The following SDHA variants were observed in gnomAD, a reference collection of about 807,000 sequenced individuals.
The protein encoded by SDHA is succinate dehydrogenase complex flavoprotein subunit A, also known as succinate dehydrogenase [ubiquinone] flavoprotein subunit, mitochondrial.
Under a neutral mutation model 78.4 loss-of-function variants are expected in SDHA, and 48 were observed. The observed-to-expected ratio is 0.61, with a 90% CI of 0.49 to 0.78. The LOEUF is 0.78. Among genes scored for constraint, SDHA ranks in the 30% least tolerant of loss-of-function variants. The pLI is 0.00. For missense variants in SDHA, 680 were observed against 892.7 expected (o/e 0.76, Z 3.04); for synonymous variants, 326 against 353.9 (o/e 0.92, Z 0.88).
chr5:249,979 A>G (rs1399436593), intron 11 of SDHA: 1 of 152,260 alleles, frequency 6.6e-6, no homozygotes, highest in African/African-American at 2.4e-5. Flanking sequence ...CTGCTCAGAC[A>G]TCAGTAAATA....
intron 12 of SDHA, 56 bp from the exon 13 acceptor site, chr5:251,282 G>A: frequency 6.3e-7 from 1 of 1,588,552 alleles, no homozygotes; most frequent in Non-Finnish European, 8.6e-7. Context: ...TGACAGCTCG[G>A]AGGGCCCATG....
Position 225,942 on chromosome 5 carries a change from A to G in SDHA, c.516A>G (p.Ala172=), listed in dbSNP as rs181278759. The stretch of plus-strand genomic sequence containing the variant: ...AAGATGGGAAGATTTATCAGCGTGC[A>G]TTTGGTGGACAGAGCCTCAAGTTTG... ...RTEDGKIYQR[A]FGGQSLKFGK... Residue 172 remains alanine, a synonymous_variant, in exon 5 of 15, where the codon GCA becomes GCG. Coordinates refer to ENST00000264932, the MANE Select transcript of SDHA (RefSeq NM_004168.4). 32 of 1,613,932 alleles carry G rather than the reference A, an allele frequency of 2.0e-5. No homozygotes were observed. The Admixed American group carries it at 2.2e-4, about 11-fold the overall frequency.
chr5:238,607 T>A lies in SDHA; in HGVS notation c.1433-1751T>A, dbSNP rs190376023. Among the ~76,000 whole-genome samples the A allele has an allele frequency of 4.1e-4, 63 of 152,228 alleles. No individual in the cohort carries two copies. The East Asian group carries it at 4.4e-3, about 11-fold the overall frequency. The stretch of plus-strand genomic sequence containing the variant: ...ATGGGCTTGAACTCCTGGCCTCAAG[T>A]GTTCCTCCTGTCTCAGCCTCCCGAA... On this transcript the variant is annotated intron_variant, in intron 10 of 14. Coordinates refer to ENST00000264932, the MANE Select transcript of SDHA (RefSeq NM_004168.4).
At chr5:241,172 G>A (rs753210569) in intron 11 of SDHA, among the ~76,000 whole-genome samples, 10 of 152,160 alleles carry the variant, frequency 6.6e-5, no homozygotes, top group Admixed American at 1.3e-4. Context: ...GTTCACTCGT[G>A]TGTGCTTGGG....
intron 1 of SDHA, among the ~76,000 whole-genome samples, chr5:222,345 C>CTT (rs2126536105): frequency 7.4e-6 from 1 of 135,886 alleles, no homozygotes; most frequent in Non-Finnish European, 1.5e-5. Flanking sequence ...GCTTTTTTTT[C>CTT]TTTTCTTTTT....
intron 9 of SDHA, 131 bp from the exon 10 acceptor site, chr5:236,297 T>A: frequency 1.1e-6 from 1 of 883,150 alleles, no homozygotes; most frequent in South Asian, 1.4e-5. Flanking sequence ...GTGCTGAGAT[T>A]ACAGGCGTGA....
At chr5:268,719 T>C in the SDHA span, among the ~76,000 whole-genome samples, 1 of 152,240 alleles carries the variant, frequency 6.6e-6, no homozygotes, top group African/African-American at 2.4e-5. Context: ...GGGTGGATTA[T>C]ATTTAAATAT....
chr5:230,354 C>T (rs954568950), intron 6 of SDHA, among the ~76,000 whole-genome samples: 1 of 152,156 alleles, frequency 6.6e-6, no homozygotes, highest in Non-Finnish European at 1.5e-5. Context: ...GCCAGGTGTG[C>T]AGTGGCTCAC....
At chr5:263,971 C>A in the SDHA span, among the ~76,000 whole-genome samples, 1 of 151,524 alleles carries the variant, frequency 6.6e-6, no homozygotes, top group Admixed American at 6.5e-5. Context: ...TGGAAACAAT[C>A]AAAATGTCCA....
the SDHA span, among the ~76,000 whole-genome samples, chr5:263,237 A>T: frequency 1.3e-5 from 2 of 152,120 alleles, no homozygotes; most frequent in Admixed American, 6.6e-5. Flanking sequence ...ACTGCCAGAA[A>T]AACTTTTCCT....
At chr5:236,139 C>A in intron 9 of SDHA, 1 of 432,440 alleles carries the variant, frequency 2.3e-6, no homozygotes, top group Non-Finnish European at 4.3e-6. Context: ...ATTTTTCCGC[C>A]TCAGCCTCCC....
chr5:258,609 T>C (rs368594169), downstream of SDHA, among the ~76,000 whole-genome samples: 218 of 65,920 alleles, frequency 3.3e-3, 1 homozygote, highest in Admixed American at 4.9e-3. Context: ...CTCCGCCTCC[T>C]GCCAGAGCAT....
intron 5 of SDHA, 119 bp from the exon 6 acceptor site, chr5:228,066 T>G (rs1252977571): frequency 2.0e-6 from 2 of 1,002,174 alleles, no homozygotes; most frequent in African/African-American, 1.6e-5. Flanking sequence ...GCTGATCTCC[T>G]TGGATTTACC....
intron 6 of SDHA, among the ~76,000 whole-genome samples, chr5:230,179 G>T (rs184601975): frequency 2.0e-5 from 3 of 148,250 alleles, no homozygotes; most frequent in Admixed American, 6.7e-5. Context: ...AAATCATCAC[G>T]CTGTACACCA....
chr5:241,839 G>A (rs1249000080), intron 11 of SDHA, among the ~76,000 whole-genome samples: 2 of 152,248 alleles, frequency 1.3e-5, no homozygotes. Context: ...TTGTGGAATG[G>A]TGAGAAGAAC....
intron 11 of SDHA, among the ~76,000 whole-genome samples, chr5:245,396 G>A (rs58653859): frequency 1.3e-5 from 2 of 151,976 alleles, no homozygotes; most frequent in East Asian, 1.9e-4. Flanking sequence ...TTTACAATTC[G>A]TGCAGTAAAC....
At position 225,559 on chromosome 5, in the gene SDHA, C is replaced by T. The variant is rs138917116; in HGVS notation, c.453C>T (p.Val151=). ...YMTEQAPAAV[V]ELENYGMPFS... is the part of the protein sequence containing the mutation. ...CGGAGCAGGCCCCCGCCGCCGTGGTCGAGGTGATGGGCGGGAGGCTCTGGG... is the reference window on the plus strand; with the variant it reads ...CGGAGCAGGCCCCCGCCGCCGTGGTTGAGGTGATGGGCGGGAGGCTCTGGG... Residue 151 remains valine (V), a synonymous_variant, in exon 4 of 15, where the codon GTC becomes GTT. Transcript: ENST00000264932. 73 of 1,613,718 alleles carry T rather than the reference C, an allele frequency of 4.5e-5. No homozygotes were observed. The highest frequency in any genetic ancestry group is 5.9e-5 in the Non-Finnish European group (70 of 1,179,864).
chr5:251,609 C>A (rs1189388195), intron 13 of SDHA, 141 bp downstream of exon 13: 1 of 1,544,740 alleles, frequency 6.5e-7, no homozygotes, highest in Admixed American at 2.0e-5. Context: ...CCCCTGGTAA[C>A]TTTGATCCCT....
In SDHA at chr5:249,370, CT is replaced by C. The variant is rs1736670170; in HGVS notation, c.1552-1621del. 4 of 186,752 alleles carry C rather than the reference CT, an allele frequency of 2.1e-5. No individual in the cohort carries two copies. In the South Asian group the frequency reaches 3.5e-4, roughly 16 times the overall value. The allele number at this position is 186,752 out of a possible 1,614,324, so 11.6% of individuals were successfully genotyped here. On this transcript the variant is annotated intron_variant, in intron 11 of 14. Transcript: ENST00000264932. ...ATGTGGCCATAAACTGTCCCCAAAA[CT>C]GGCCATAAACAAAATCTCTGCAGCA...
Sources: gnomAD v4.1 joint callset for allele counts (sites outside exome capture counted in the v4.1 genomes callset) on GRCh38, gnomAD v4.1.1 for gene constraint, MANE v1.5 for transcripts, NCBI Gene and HGNC (gene_info 2026-07-23, HGNC 2026-07-21) for gene names.